SHISA6: variants seen among roughly 807,000 people sequenced by gnomAD.
The protein encoded by SHISA6 is shisa family member 6.
A neutral mutation model predicts 47.9 loss-of-function variants in SHISA6; 22 were observed. That is an observed-to-expected ratio of 0.46 (90% CI 0.33 to 0.66). SHISA6 has a LOEUF of 0.66. Ranked by LOEUF, SHISA6 falls within the 30% of genes least tolerant of loss-of-function variation. The pLI is 0.02. For synonymous variants in SHISA6, 388 were observed against 337.8 expected (o/e 1.15, Z -1.63); for missense variants, 680 against 764.6 (o/e 0.89, Z 1.30).
intron 1 of SHISA6, among the ~76,000 whole-genome samples, chr17:11,249,679 A>G (rs918036084): frequency 3.9e-5 from 6 of 152,180 alleles, no homozygotes; most frequent in African/African-American, 2.4e-5. Context: ...TTGAAAGTAC[A>G]TTGAGAGCCC....
chr17:11,402,016 C>T (rs1386272711), intron 3 of SHISA6, among the ~76,000 whole-genome samples: 1 of 152,228 alleles, frequency 6.6e-6, no homozygotes, highest in East Asian at 1.9e-4. Flanking sequence ...AGGCACGCAG[C>T]AGGCACTGGT....
rs537307690 is a variant in SHISA6, at chr17:11,558,814, G to A, written c.*510G>A. 2.9e-5 allele frequency: 5 copies of A among 170,186 alleles called. No homozygotes were observed. Among genetic ancestry groups the A allele is most frequent in the African/African-American group, 9.5e-5 (4 of 41,956 alleles). The allele number at this position is 170,186 out of a possible 1,614,324, so 10.5% of individuals were successfully genotyped here. ...CCTAGTGCCTAAAAACTGCCTGCTC[G>A]CTCTCTCAGAGCCAGGGAGCTGCTG... On this transcript the variant is annotated 3_prime_UTR_variant, in exon 6 of 6. Coordinates refer to ENST00000441885, the MANE Select transcript of SHISA6 (RefSeq NM_207386.4).
At chr17:11,382,946 T>C (rs1913066627) in intron 3 of SHISA6, among the ~76,000 whole-genome samples, 1 of 144,690 alleles carries the variant, frequency 6.9e-6, no homozygotes, top group African/African-American at 2.6e-5. Flanking sequence ...TTTTTTTTTT[T>C]TTTTTTTTGA....
chr17:11,536,876 T>TGACACATTACAC (rs2071792594), intron 3 of SHISA6, among the ~76,000 whole-genome samples: 2 of 152,090 alleles, frequency 1.3e-5, no homozygotes, highest in Non-Finnish European at 2.9e-5. Flanking sequence ...CTGAGCAGGG[T>TGACACATTACAC]ATGGTAAATG....
chr17:11,504,904 C>G (rs1190995007), intron 3 of SHISA6, among the ~76,000 whole-genome samples: 1 of 152,138 alleles, frequency 6.6e-6, no homozygotes, highest in Non-Finnish European at 1.5e-5. Context: ...ACCTGTGTCC[C>G]AAGAGGCAAC....
At chr17:11,329,018 T>C (rs1305989203) in intron 2 of SHISA6, among the ~76,000 whole-genome samples, 2 of 152,188 alleles carry the variant, frequency 1.3e-5, no homozygotes, top group African/African-American at 2.4e-5. Context: ...CTTTAATAAA[T>C]AGTACTCAGT....
intron 3 of SHISA6, among the ~76,000 whole-genome samples, chr17:11,500,309 T>G (rs956420861): frequency 6.6e-6 from 1 of 152,072 alleles, no homozygotes; most frequent in African/African-American, 2.4e-5. Flanking sequence ...CCAGAATGTT[T>G]AGAGATGGAA....
At chr17:11,555,397 G>A (rs1394291015) in intron 4 of SHISA6, among the ~76,000 whole-genome samples, 1 of 152,172 alleles carries the variant, frequency 6.6e-6, no homozygotes, top group Non-Finnish European at 1.5e-5. Flanking sequence ...TCACACAGAA[G>A]TAGATGATTT....
rs747656198 is a variant in SHISA6, at chr17:11,246,362, C to T, written c.638+4302C>T. Among the ~76,000 whole-genome samples the T allele has an allele frequency of 8.5e-5, 13 of 152,234 alleles. No homozygotes were observed. The South Asian group carries it at 1.2e-3, about 15-fold the overall frequency. ...AAAGTTAGCCGGGTGTGGTGGCATG[C>T]GCCTGTAGTCCCAGCTACTCGGGAG... On this transcript the variant is annotated intron_variant, in intron 1 of 5. Transcript: ENST00000441885.
chr17:11,341,543 C>T (rs1424459694), intron 2 of SHISA6, among the ~76,000 whole-genome samples: 2 of 151,938 alleles, frequency 1.3e-5, no homozygotes, highest in Admixed American at 6.6e-5. Flanking sequence ...CCATGTTGGC[C>T]AGGCTGGTCT....
chr17:11,328,398 A>T (rs1269051289), intron 2 of SHISA6, among the ~76,000 whole-genome samples: 2 of 152,192 alleles, frequency 1.3e-5, no homozygotes, highest in African/African-American at 4.8e-5. Flanking sequence ...TCCAAGCCTC[A>T]TTCTGACATT....
intron 2 of SHISA6, among the ~76,000 whole-genome samples, chr17:11,276,509 A>G (rs192530617): frequency 1.3e-4 from 20 of 152,292 alleles, no homozygotes; most frequent in African/African-American, 4.8e-4. Context: ...ATACCCCCTT[A>G]CTAGTTGTTA....
In SHISA6 at chr17:11,348,002, A is replaced by G. The variant is rs1318939575; in HGVS notation, c.800-31412A>G. The stretch of plus-strand genomic sequence containing the variant: ...TGAACAGGATTGTTTTTGGACTGCC[A>G]GAGTTAATTGGTCATCCATAAGAAG... On this transcript the variant is annotated intron_variant, in intron 2 of 5. Transcript: ENST00000441885. 3.3e-5 allele frequency among the ~76,000 whole-genome samples: 5 copies of G among 152,240 alleles called. No homozygotes were observed. The East Asian group carries it at 5.8e-4, about 18-fold the overall frequency.
At chr17:11,553,621 A>C (rs964415801) in intron 4 of SHISA6, among the ~76,000 whole-genome samples, 4 of 152,110 alleles carry the variant, frequency 2.6e-5, no homozygotes, top group African/African-American at 9.7e-5. Context: ...AGTGACTATC[A>C]AGCGAGGAGG....
rs547407999 is a variant in SHISA6 at position 11,419,261 on chromosome 17, CA to C, written c.895+39756del. 2.1e-4 allele frequency among the ~76,000 whole-genome samples: 32 copies of C among 151,178 alleles called. No individual in the cohort carries two copies. The East Asian group carries it at 6.0e-3, about 29-fold the overall frequency. On this transcript the variant is annotated intron_variant, in intron 3 of 5. Coordinates refer to ENST00000441885, the MANE Select transcript of SHISA6 (RefSeq NM_207386.4). Reference sequence around the variant, plus strand: ...GAAAAAAGAAAAAAAGAAAACAAAGCAAAACAAAAATACCAACAACTGTCAA... The same window carrying C: ...GAAAAAAGAAAAAAAGAAAACAAAGCAAACAAAAATACCAACAACTGTCAA...
chr17:11,524,964 G>C (rs752142407), intron 3 of SHISA6, among the ~76,000 whole-genome samples: 3 of 152,282 alleles, frequency 2.0e-5, no homozygotes, highest in South Asian at 2.1e-4. Flanking sequence ...GAGATGACGG[G>C]GGGGTAGATG....
At chr17:11,277,251 C>CTT in intron 2 of SHISA6, among the ~76,000 whole-genome samples, 13 of 68,614 alleles carry the variant, frequency 1.9e-4, no homozygotes, top group Admixed American at 7.6e-4. Flanking sequence ...TTCTCTCTCT[C>CTT]TCTCTCTCTC....
intron 3 of SHISA6, among the ~76,000 whole-genome samples, chr17:11,415,060 CAA>C (rs1441766770): frequency 7.1e-6 from 1 of 141,712 alleles, no homozygotes; most frequent in East Asian, 2.1e-4. Context: ...CCTGGGGCGA[CAA>C]GAGCAAAACT....
intron 3 of SHISA6, among the ~76,000 whole-genome samples, chr17:11,468,480 C>A (rs1597533374): frequency 6.6e-6 from 1 of 152,038 alleles, no homozygotes; most frequent in East Asian, 2.0e-4. Flanking sequence ...AGTGAGAACT[C>A]AGGAGGACTG....
Sources: gnomAD v4.1 joint callset for allele counts (sites outside exome capture counted in the v4.1 genomes callset) on GRCh38, gnomAD v4.1.1 for gene constraint, MANE v1.5 for transcripts, NCBI Gene and HGNC (gene_info 2026-07-23, HGNC 2026-07-21) for gene names.